The following RIMBP2 variants were observed in gnomAD, a reference collection of about 807,000 sequenced individuals.
RIMBP2 encodes RIMS-binding protein 2.
A neutral mutation model predicts 118.6 loss-of-function variants in RIMBP2; 48 were observed. The observed-to-expected ratio is 0.40, with a 90% CI of 0.32 to 0.51. RIMBP2 has a LOEUF of 0.51. RIMBP2 is among the 20% of genes least tolerant of loss of function. RIMBP2 has a pLI of 0.41. For synonymous variants in RIMBP2, 762 were observed against 742.9 expected, an observed-to-expected ratio of 1.03 and a Z score of -0.42; for missense variants, 1,551 against 1,768.3, an observed-to-expected ratio of 0.88 and a Z score of 2.20.
chr12:130,440,556 C>G (rs2078034696), intron 11 of RIMBP2, among the ~76,000 whole-genome samples: 1 of 152,170 alleles, frequency 6.6e-6, no homozygotes, highest in Non-Finnish European at 1.5e-5. Context: ...AGAGAGGTGC[C>G]CTTCACCTCC....
chr12:130,567,978 C>T (rs2057351154), intron 2 of RIMBP2, among the ~76,000 whole-genome samples: 4 of 152,116 alleles, frequency 2.6e-5, no homozygotes, highest in African/African-American at 9.7e-5. Flanking sequence ...ACGAACATCA[C>T]CTGCCATGCA....
rs1045865512 is a variant in RIMBP2, at chr12:130,420,252, G to A, written c.3238+2201C>T. 7.2e-5 allele frequency among the ~76,000 whole-genome samples: 11 copies of A among 152,210 alleles called. No individual in the cohort carries two copies. The highest frequency in any genetic ancestry group is 1.5e-4 in the Non-Finnish European group (10 of 68,052). On this transcript the variant is annotated intron_variant, in intron 17 of 22. Transcript: ENST00000690449. This position sits in a 1 kb window ranked among gnomAD's most constrained non-coding sequence, Gnocchi z 4.3. ...TTGAAACCATAATAGGTGCTGAGAT[G>A]TGTATTTGTGTGTAAAGTATCTGGT...
intron 1 of RIMBP2, among the ~76,000 whole-genome samples, chr12:130,679,405 T>A (rs1008372117): frequency 6.6e-6 from 1 of 152,228 alleles, no homozygotes; most frequent in Admixed American, 6.5e-5. Context: ...GGAAACAACC[T>A]CTTTTCTCTT....
intron 1 of RIMBP2, among the ~76,000 whole-genome samples, chr12:130,635,768 G>A (rs889584569): frequency 2.0e-5 from 3 of 152,136 alleles, no homozygotes; most frequent in Non-Finnish European, 4.4e-5. Flanking sequence ...CAGGGGTGCA[G>A]TCCCACCTAA....
chr12:130,546,870 G>T (rs192067287), intron 2 of RIMBP2, among the ~76,000 whole-genome samples: 1 of 152,146 alleles, frequency 6.6e-6, no homozygotes, highest in Admixed American at 6.5e-5. Context: ...AGTTGGAAGC[G>T]CTGGCAACCC....
chr12:130,648,326 A>G lies in RIMBP2; in HGVS notation c.-351-19870T>C, dbSNP rs2063078682. Among the ~76,000 whole-genome samples, 2 of 145,790 alleles carry G rather than the reference A, an allele frequency of 1.4e-5. 1 individual carries two copies. The highest frequency in any genetic ancestry group is 3.1e-5 in the Non-Finnish European group (2 of 64,398). On this transcript the variant is annotated intron_variant, in intron 1 of 22. Coordinates refer to ENST00000690449, the MANE Select transcript of RIMBP2 (RefSeq NM_001393629.1). ...TTTGACCCAGAAATTCCACCTTCAT[A>G]AATTTATTTAAAGGATCATAATGGA...
intron 2 of RIMBP2, among the ~76,000 whole-genome samples, chr12:130,535,002 G>A (rs1051246086): frequency 6.6e-6 from 1 of 152,204 alleles, no homozygotes; most frequent in Non-Finnish European, 1.5e-5. Context: ...ACCTGACGAT[G>A]CTGGTGACTA....
intron 13 of RIMBP2, among the ~76,000 whole-genome samples, chr12:130,435,602 C>T (rs2137011304): frequency 6.6e-6 from 1 of 152,358 alleles, no homozygotes; most frequent in Non-Finnish European, 1.5e-5. Context: ...AGAAGCACCA[C>T]CTCCCAAGCT....
chr12:130,440,635 G>A (rs1458419397), intron 11 of RIMBP2, among the ~76,000 whole-genome samples: 2 of 152,186 alleles, frequency 1.3e-5, no homozygotes, highest in Admixed American at 6.5e-5. Context: ...AGAAGGCATC[G>A]CGGGAGGCGT....
intron 4 of RIMBP2, among the ~76,000 whole-genome samples, chr12:130,497,122 C>T (rs1391239075): frequency 1.3e-5 from 2 of 152,176 alleles, no homozygotes; most frequent in African/African-American, 2.4e-5. Context: ...CCAAACTCCC[C>T]TCTCCTTTCT....
At chr12:130,638,133 C>T (rs1203758544) in intron 1 of RIMBP2, among the ~76,000 whole-genome samples, 1 of 152,134 alleles carries the variant, frequency 6.6e-6, no homozygotes, top group East Asian at 1.9e-4. Flanking sequence ...CAATGTCTTG[C>T]CTTCTTGATT....
At chr12:130,660,728 C>T (rs1480513426) in intron 1 of RIMBP2, 1 of 152,196 alleles carries the variant, frequency 6.6e-6, no homozygotes, top group African/African-American at 2.4e-5. Context: ...CTTCCCTGGA[C>T]CCTGTTTCTC....
chr12:130,555,577 G>C (rs548894678), intron 2 of RIMBP2, among the ~76,000 whole-genome samples: 1 of 152,164 alleles, frequency 6.6e-6, no homozygotes, highest in African/African-American at 2.4e-5. Context: ...AGTGACAAAA[G>C]TGTAGATACA....
intron 2 of RIMBP2, among the ~76,000 whole-genome samples, chr12:130,572,599 C>T (rs930803303): frequency 1.3e-5 from 2 of 152,062 alleles, no homozygotes; most frequent in Non-Finnish European, 2.9e-5. Flanking sequence ...GATGTGACAC[C>T]GATTTCCACA....
intron 21 of RIMBP2, among the ~76,000 whole-genome samples, chr12:130,405,769 T>TTTGTC (rs1261113119): frequency 6.6e-6 from 1 of 151,440 alleles, no homozygotes; most frequent in Non-Finnish European, 1.5e-5. Flanking sequence ...GTTTTAGGTT[T>TTTGTC]TTGTTTTGTT....
chr12:130,693,776 C>T (rs2065445346), intron 1 of RIMBP2, among the ~76,000 whole-genome samples: 2 of 152,232 alleles, frequency 1.3e-5, no homozygotes, highest in Admixed American at 6.5e-5. Flanking sequence ...AGGCGTCGTT[C>T]CCAAGAAGGC....
chr12:130,515,123 G>A (rs11615181), intron 3 of RIMBP2, among the ~76,000 whole-genome samples: 7,854 of 152,078 alleles, frequency 0.052, 270 homozygotes, highest in South Asian at 0.16. Flanking sequence ...TGATCCGCCC[G>A]CCTCGGCCTC....
intron 2 of RIMBP2, among the ~76,000 whole-genome samples, chr12:130,519,050 G>A (rs113180376): frequency 0.011 from 1,690 of 152,366 alleles, 17 homozygotes; most frequent in Middle Eastern, 0.048. Flanking sequence ...GCTACCAGCT[G>A]TCAGGCTGAG....
chr12:130,574,864 C>T (rs981539379), intron 2 of RIMBP2, among the ~76,000 whole-genome samples: 6 of 152,214 alleles, frequency 3.9e-5, no homozygotes, highest in East Asian at 3.9e-4. Flanking sequence ...TCCTAGACCC[C>T]TTCATTAGCT....
Sources: allele counts gnomAD v4.1 joint callset (sites outside exome capture counted in the v4.1 genomes callset), GRCh38; gene constraint gnomAD v4.1.1; non-coding constraint Gnocchi (gnomAD v3.1); transcripts MANE v1.5; gene names NCBI Gene and HGNC (gene_info 2026-07-23, HGNC 2026-07-21).